CD226: variants seen among roughly 807,000 people sequenced by gnomAD.
The protein encoded by CD226 is CD226 antigen.
CD226 carries 24 observed loss-of-function variants against 34.9 expected under a neutral mutation model. That is an observed-to-expected ratio of 0.69 (90% CI 0.50 to 0.97). The LOEUF (loss-of-function observed/expected upper bound fraction) is 0.97. Ranked by LOEUF, CD226 falls within the 50% of genes least tolerant of loss-of-function variation. CD226 has a pLI of 0.00. For missense variants in CD226, 397 were observed against 412.7 expected, an observed-to-expected ratio of 0.96 and a Z score of 0.33; for synonymous variants, 148 against 147.4, an observed-to-expected ratio of 1.00 and a Z score of -0.03.
At chr18:69,940,333 G>A (rs2055707653) in intron 2 of CD226, among the ~76,000 whole-genome samples, 1 of 152,206 alleles carries the variant, frequency 6.6e-6, no homozygotes, top group Admixed American at 6.5e-5. Flanking sequence ...AGCAGAGAGT[G>A]GAGGGTTGCT....
intron 3 of CD226, among the ~76,000 whole-genome samples, chr18:69,894,722 G>A (rs992533143): frequency 1.3e-5 from 2 of 151,652 alleles, no homozygotes; most frequent in African/African-American, 4.9e-5. Context: ...TGTCCCGACA[G>A]TGAGGAAGCT....
At chr18:69,908,453 T>G (rs2055283050) in intron 2 of CD226, among the ~76,000 whole-genome samples, 1 of 152,172 alleles carries the variant, frequency 6.6e-6, no homozygotes, top group East Asian at 1.9e-4. Context: ...TTAAGCACAA[T>G]CTCAAAGAAA....
In CD226 at chr18:69,888,299, C is replaced by T. The variant is rs565921380; in HGVS notation, c.727+7402G>A. Reference sequence around the variant, plus strand: ...TCAAGCTGTTAACAATTCCCAGGTGCTTTTAGAATGTAAATTCCATATACG... The same window carrying T: ...TCAAGCTGTTAACAATTCCCAGGTGTTTTTAGAATGTAAATTCCATATACG... On this transcript the variant is annotated intron_variant, in intron 3 of 5. Coordinates refer to ENST00000582621, the MANE Select transcript of CD226 (RefSeq NM_001303618.2). Among the ~76,000 whole-genome samples, 4 of 152,046 alleles carry T rather than the reference C, an allele frequency of 2.6e-5. No homozygotes were observed. In the East Asian group the frequency reaches 7.7e-4, roughly 29 times the overall value.
upstream of CD226, among the ~76,000 whole-genome samples, chr18:69,957,430 T>C (rs1195176005): frequency 6.6e-6 from 1 of 152,174 alleles, no homozygotes; most frequent in Non-Finnish European, 1.5e-5. Flanking sequence ...CCTGCATGTT[T>C]AGCAGCTTTT....
At chr18:69,922,949 T>C (rs946034216) in intron 2 of CD226, among the ~76,000 whole-genome samples, 5 of 152,000 alleles carry the variant, frequency 3.3e-5, no homozygotes, top group East Asian at 1.9e-4. Flanking sequence ...CTGGCCAACA[T>C]GGTGAAACCC....
At chr18:69,881,752 G>C (rs146487065) in intron 3 of CD226, among the ~76,000 whole-genome samples, 117 of 152,164 alleles carry the variant, frequency 7.7e-4, no homozygotes, top group African/African-American at 2.5e-3. Flanking sequence ...CGCCTTCCTG[G>C]GGAAAGGCAC....
At chr18:69,930,287 G>C (rs1392914281) in intron 2 of CD226, among the ~76,000 whole-genome samples, 1 of 152,196 alleles carries the variant, frequency 6.6e-6, no homozygotes, top group Non-Finnish European at 1.5e-5. Flanking sequence ...TGTGAAAAAT[G>C]AGGCAAAACA....
At chr18:69,948,397 CAAAAT>C (rs2055818016), upstream of CD226, among the ~76,000 whole-genome samples, 1 of 152,078 alleles carries the variant, frequency 6.6e-6, no homozygotes, top group South Asian at 2.1e-4. Flanking sequence ...GTAAGACTGT[CAAAAT>C]AGAAGATGAG....
intron 3 of CD226, among the ~76,000 whole-genome samples, chr18:69,875,967 C>T (rs1028373426): frequency 6.6e-6 from 1 of 152,036 alleles, no homozygotes; most frequent in Non-Finnish European, 1.5e-5. Flanking sequence ...ATAATGGGGA[C>T]CTACTATACA....
intron 2 of CD226, among the ~76,000 whole-genome samples, chr18:69,942,807 G>A (rs2055741976): frequency 6.6e-6 from 1 of 152,134 alleles, no homozygotes; most frequent in East Asian, 1.9e-4. Flanking sequence ...AGAAGGCCAG[G>A]CTCTGCCTCT....
At chr18:69,872,091 G>GTGTGTGTGTGTGTGTGTGTGTGT (rs768112256) in intron 4 of CD226, among the ~76,000 whole-genome samples, 1 of 93,702 alleles carries the variant, frequency 1.1e-5, no homozygotes, top group Non-Finnish European at 2.2e-5. Flanking sequence ...TGTGTGTGTG[G>GTGTGTGTGTGTGTGTGTGTGTGT]TGCATTTGGT....
In CD226 at chr18:69,879,154, G is replaced by A; in HGVS notation, c.728-5908C>T. Among the ~76,000 whole-genome samples, 2 of 152,182 alleles carry A rather than the reference G, an allele frequency of 1.3e-5. 1 individual carries two copies. ...TGGAGGCAGAGCGAGATCACAGGAT[G>A]GGGTGAAATTAAAATTGCTAATGAA... On this transcript the variant is annotated intron_variant, in intron 3 of 5. Coordinates refer to ENST00000582621, the MANE Select transcript of CD226 (RefSeq NM_001303618.2).
chr18:69,943,586 G>A (rs2055752172), intron 2 of CD226, among the ~76,000 whole-genome samples: 1 of 152,200 alleles, frequency 6.6e-6, no homozygotes, highest in Non-Finnish European at 1.5e-5. Flanking sequence ...AGCTGGAGAG[G>A]GGTAGCATTG....
chr18:69,875,985 T>C (rs1182656642), intron 3 of CD226, among the ~76,000 whole-genome samples: 1 of 152,194 alleles, frequency 6.6e-6, no homozygotes, highest in Non-Finnish European at 1.5e-5. Context: ...ACAGTATGGA[T>C]GGTGATACAT....
At chr18:69,921,562 G>A (rs1900866256) in intron 2 of CD226, among the ~76,000 whole-genome samples, 1 of 152,130 alleles carries the variant, frequency 6.6e-6, no homozygotes, top group South Asian at 2.1e-4. Flanking sequence ...TAATAAGGTG[G>A]CTGTCCTCCT....
At chr18:69,883,690 T>C (rs1242909143) in intron 3 of CD226, among the ~76,000 whole-genome samples, 1 of 152,256 alleles carries the variant, frequency 6.6e-6, no homozygotes, top group Admixed American at 6.5e-5. Flanking sequence ...ACTTATTGCC[T>C]ACAGAAATAA....
chr18:69,951,955 T>C (rs570343296), upstream of CD226, among the ~76,000 whole-genome samples: 13 of 152,298 alleles, frequency 8.5e-5, no homozygotes, highest in East Asian at 2.1e-3. Context: ...AATCATTATA[T>C]TAAAAATATA....
chr18:69,886,487 C>T (rs1023354611), intron 3 of CD226, among the ~76,000 whole-genome samples: 2 of 152,144 alleles, frequency 1.3e-5, no homozygotes, highest in African/African-American at 2.4e-5. Flanking sequence ...GGGTGGATCA[C>T]CTGAGGTCAG....
chr18:69,936,326 A>C lies in CD226; in HGVS notation c.382+10408T>G, dbSNP rs544683546. 5.9e-5 allele frequency among the ~76,000 whole-genome samples: 9 copies of C among 152,226 alleles called. No homozygotes were observed. The South Asian group carries it at 1.0e-3, about 18-fold the overall frequency. ...CTTGTGCCTGTTCCTTCCTGGGCTT[A>C]GCACAGGGAAAGCACGTGGATAAAA... On this transcript the variant is annotated intron_variant, in intron 2 of 5. Transcript: ENST00000582621.
Sources: allele counts gnomAD v4.1 joint callset (sites outside exome capture counted in the v4.1 genomes callset), GRCh38; gene constraint gnomAD v4.1.1; transcripts MANE v1.5; gene names NCBI Gene and HGNC (gene_info 2026-07-23, HGNC 2026-07-21).